ARHGEF26: variants seen among roughly 807,000 people sequenced by gnomAD.
ARHGEF26 encodes the protein Rho guanine nucleotide exchange factor 26.
In ARHGEF26, 59 loss-of-function variants were observed where a neutral mutation model predicts 89.4. The ratio of observed to expected loss-of-function variants is 0.66; its 90% CI spans 0.54 to 0.82. The LOEUF (loss-of-function observed/expected upper bound fraction) is 0.82, where lower values mean the gene tolerates loss of function less well. Ranked by LOEUF, ARHGEF26 falls within the 40% of genes least tolerant of loss-of-function variation. The probability of loss-of-function intolerance (pLI) is 0.00; values close to 1 mark genes in which losing one functional copy is unlikely to be tolerated. For synonymous variants in ARHGEF26, 500 were observed against 428.4 expected (o/e 1.17, Z -2.06); for missense variants, 1,234 against 1,085.6 (o/e 1.14, Z -1.92).
At chr3:154,212,474 C>G (rs749277879) in intron 9 of ARHGEF26, among the ~76,000 whole-genome samples, 5 of 151,976 alleles carry the variant, frequency 3.3e-5, no homozygotes, top group Non-Finnish European at 7.4e-5. Flanking sequence ...TATTTTGTAT[C>G]CTTCTGGTTG....
rs139441324 is a variant in ARHGEF26, at chr3:154,225,619, G to A, written c.1936-237G>A. On this transcript the variant is annotated intron_variant, in intron 10 of 14. Transcript: ENST00000465093. ...AATAACATTTTCTCATTGAGTTTTA[G>A]TTTCATATTGGGAAGTTAATAGTTT... 4.9e-4 allele frequency among the ~76,000 whole-genome samples: 74 copies of A among 152,078 alleles called. No homozygotes were observed. In the East Asian group the frequency reaches 5.4e-3, roughly 11 times the overall value.
chr3:154,147,918 CT>C, intron 4 of ARHGEF26, among the ~76,000 whole-genome samples: 1 of 152,226 alleles, frequency 6.6e-6, no homozygotes, highest in East Asian at 1.9e-4. Context: ...TTGGGGTCCC[CT>C]TTTCAGATCA....
At chr3:154,218,898 A>G (rs975636880) in intron 10 of ARHGEF26, among the ~76,000 whole-genome samples, 6 of 152,216 alleles carry the variant, frequency 3.9e-5, no homozygotes, top group African/African-American at 1.4e-4. Context: ...TAGTGGTGAT[A>G]AAATCAGGAC....
In ARHGEF26 at chr3:154,168,571, T is replaced by A. The variant is rs542652312; in HGVS notation, c.1487+15639T>A. Reference sequence around the variant, plus strand: ...CATCCTAGGTGACAGAGACTCTCTGTGTCTTAAAAAACAAAAACAAAAACA... The same window carrying A: ...CATCCTAGGTGACAGAGACTCTCTGAGTCTTAAAAAACAAAAACAAAAACA... On this transcript the variant is annotated intron_variant, in intron 6 of 14. Coordinates refer to ENST00000465093, the MANE Select transcript of ARHGEF26 (RefSeq NM_015595.4). 8.5e-5 allele frequency among the ~76,000 whole-genome samples: 13 copies of A among 152,240 alleles called. No individual in the cohort carries two copies. The East Asian group carries it at 2.5e-3, about 29-fold the overall frequency.
At chr3:154,121,199 C>G (rs1273066306), upstream of ARHGEF26, 1 of 152,372 alleles carries the variant, frequency 6.6e-6, no homozygotes, top group African/African-American at 2.4e-5. Context: ...TCCGCAACTT[C>G]TAGCCCCAAA....
chr3:154,254,168 G>C (rs1718334591), intron 13 of ARHGEF26, among the ~76,000 whole-genome samples: 1 of 152,254 alleles, frequency 6.6e-6, no homozygotes, highest in Admixed American at 6.5e-5. Context: ...GCCTGCCTCG[G>C]CCTCCCAAAG....
rs369906332 is a variant in ARHGEF26 at position 154,217,244 on chromosome 3, G to A, written c.1846-625G>A. Among the ~76,000 whole-genome samples, 14 of 150,280 alleles carry A rather than the reference G, an allele frequency of 9.3e-5. 2 individuals are homozygous for A. Among genetic ancestry groups the A allele is most frequent in the East Asian group, 2.0e-4 (1 of 4,954 alleles). On this transcript the variant is annotated intron_variant, in intron 9 of 14. Transcript: ENST00000465093. Reference sequence around the variant, plus strand: ...TTGCCATTCTAACTGGTGTGAGATGGTATCTCATTGTGGTTTTGATTTGCA... The same window carrying A: ...TTGCCATTCTAACTGGTGTGAGATGATATCTCATTGTGGTTTTGATTTGCA...
In ARHGEF26 at chr3:154,255,519, C is replaced by A. The variant is rs1203026674; in HGVS notation, c.*46C>A. 1.3e-6 allele frequency: 2 copies of A among 1,589,122 alleles called. No homozygotes were observed. Among genetic ancestry groups the A allele is most frequent in the Admixed American group, 1.8e-5 (1 of 56,144 alleles). The stretch of plus-strand genomic sequence containing the variant: ...TACTGCAAGATTTGCACGACACTTA[C>A]CGGGCTGGTTGGTTCTGGGCTAGTT... On this transcript the variant is annotated 3_prime_UTR_variant, in exon 15 of 15. Coordinates refer to ENST00000465093, the MANE Select transcript of ARHGEF26 (RefSeq NM_015595.4).
chr3:154,154,058 G>A (rs1720183232), intron 6 of ARHGEF26, among the ~76,000 whole-genome samples: 2 of 151,868 alleles, frequency 1.3e-5, no homozygotes, highest in South Asian at 2.1e-4. Context: ...CTAATTTATC[G>A]TTCTTTATTC....
chr3:154,140,411 T>C (rs1246925626), intron 4 of ARHGEF26, among the ~76,000 whole-genome samples: 1 of 152,190 alleles, frequency 6.6e-6, no homozygotes, highest in Non-Finnish European at 1.5e-5. Flanking sequence ...AAAAGATGGA[T>C]ACATGTACCT....
intron 6 of ARHGEF26, among the ~76,000 whole-genome samples, chr3:154,162,879 G>C (rs982511022): frequency 9.2e-5 from 14 of 152,120 alleles, no homozygotes; most frequent in African/African-American, 2.9e-4. Flanking sequence ...TATTATATAT[G>C]ATAATCATAC....
At chr3:154,229,610 T>C (rs1343872144) in intron 11 of ARHGEF26, among the ~76,000 whole-genome samples, 1 of 152,222 alleles carries the variant, frequency 6.6e-6, no homozygotes, top group Non-Finnish European at 1.5e-5. Flanking sequence ...TGTAGAGGAC[T>C]GTCCTGTGCA....
intron 12 of ARHGEF26, among the ~76,000 whole-genome samples, chr3:154,252,439 A>T (rs1718215228): frequency 6.6e-6 from 1 of 152,192 alleles, no homozygotes; most frequent in South Asian, 2.1e-4. Context: ...GGGTGACTGC[A>T]TTATGTAGAG....
chr3:154,210,671 A>G (rs1281078019), intron 9 of ARHGEF26, among the ~76,000 whole-genome samples: 3 of 150,846 alleles, frequency 2.0e-5, no homozygotes, highest in African/African-American at 4.9e-5. Flanking sequence ...GCCAGGCACA[A>G]TGGCTCACAC....
chr3:154,180,620 A>C (rs114701977), intron 6 of ARHGEF26, among the ~76,000 whole-genome samples: 1 of 2,078 alleles, frequency 4.8e-4, no homozygotes, highest in Non-Finnish European at 7.0e-4. Context: ...GTACCTACTA[A>C]AACAGTAGCT....
intron 4 of ARHGEF26, among the ~76,000 whole-genome samples, chr3:154,143,642 T>C (rs1267519985): frequency 6.6e-6 from 1 of 152,226 alleles, no homozygotes; most frequent in Non-Finnish European, 1.5e-5. Flanking sequence ...AATGTAACAG[T>C]TAAGACTGAA....
intron 11 of ARHGEF26, among the ~76,000 whole-genome samples, chr3:154,231,590 T>TTTC (rs59423353): frequency 0.22 from 41 of 184 alleles, no homozygotes; most frequent in Admixed American, 0.32. Context: ...TGGTATTGTG[T>TTTC]TCTCTCTCTA....
In ARHGEF26 at chr3:154,149,459, G is replaced by A. The variant is rs1239926582; in HGVS notation, c.1326+14G>A. 22 of 1,601,064 alleles carry A rather than the reference G, an allele frequency of 1.4e-5. No homozygotes were observed. Among genetic ancestry groups the A allele is most frequent in the Non-Finnish European group, 1.9e-5 (22 of 1,173,070 alleles). On this transcript the variant is annotated intron_variant, in intron 5 of 14. Transcript: ENST00000465093. ...AAGAGACAAGAGGTATGTTTCTACC[G>A]AGCAGCTGCTTTAGAGCTCTGGAGT... is the stretch of plus-strand genomic sequence containing the variant.
At chr3:154,186,732 A>T (rs1046127051) in intron 6 of ARHGEF26, among the ~76,000 whole-genome samples, 2 of 151,968 alleles carry the variant, frequency 1.3e-5, no homozygotes, top group African/African-American at 4.8e-5. Flanking sequence ...AGTGCACTCC[A>T]GCCTGGGTGA....
Sources: gnomAD v4.1 joint callset for allele counts (sites outside exome capture counted in the v4.1 genomes callset) on GRCh38, gnomAD v4.1.1 for gene constraint, MANE v1.5 for transcripts, NCBI Gene and HGNC (gene_info 2026-07-23, HGNC 2026-07-21) for gene names.